The following CPA6 variants were observed in gnomAD, a reference collection of about 807,000 sequenced individuals.
CPA6 encodes the protein carboxypeptidase B.
Under a neutral mutation model 63.3 loss-of-function variants are expected in CPA6, and 58 were observed. That is an observed-to-expected ratio of 0.92 (90% CI 0.74 to 1.14). The LOEUF (loss-of-function observed/expected upper bound fraction) is 1.14. CPA6 is among the 50% of genes most tolerant of loss of function. CPA6 has a pLI of 0.00. For synonymous variants in CPA6, 185 were observed against 179.0 expected (o/e 1.03, Z -0.27); for missense variants, 565 against 526.6 (o/e 1.07, Z -0.71).
In CPA6 at chr8:67,658,033, G is replaced by A. The variant is rs147905327; in HGVS notation, c.117-33782C>T. 3.8e-3 allele frequency among the ~76,000 whole-genome samples: 583 copies of A among 152,218 alleles called. 4 individuals carry two copies. The highest frequency in any genetic ancestry group is 0.012 in the African/African-American group (506 of 41,528). ...ATGCTGGTTTTTCAGCCACACTGGCGTCCTTTTCGTTTCCTTGGAGTGGTG... is the reference window on the plus strand; with the variant it reads ...ATGCTGGTTTTTCAGCCACACTGGCATCCTTTTCGTTTCCTTGGAGTGGTG... On this transcript the variant is annotated intron_variant, in intron 1 of 10. Coordinates refer to ENST00000297770, the MANE Select transcript of CPA6 (RefSeq NM_020361.5).
chr8:67,624,758 C>T (rs1039363540), intron 1 of CPA6, among the ~76,000 whole-genome samples: 8 of 152,168 alleles, frequency 5.3e-5, no homozygotes, highest in African/African-American at 1.9e-4. Context: ...TCTCATTTCT[C>T]TGGTACAGAG....
intron 1 of CPA6, among the ~76,000 whole-genome samples, chr8:67,630,110 A>AAATAATAATAATAATAATAATAAT (rs61666997): frequency 1.5e-4 from 22 of 144,876 alleles, no homozygotes; most frequent in East Asian, 1.4e-3. Flanking sequence ...GTCTCAATTA[A>AAATAATAATAATAATAATAATAAT]AATAATAATA....
chr8:67,609,244 A>C (rs1372493397), intron 2 of CPA6, among the ~76,000 whole-genome samples: 1 of 152,186 alleles, frequency 6.6e-6, no homozygotes, highest in African/African-American at 2.4e-5. Flanking sequence ...CAACACCCTC[A>C]AATAACTACT....
At chr8:67,610,034 C>T (rs1814763059) in intron 2 of CPA6, among the ~76,000 whole-genome samples, 1 of 150,734 alleles carries the variant, frequency 6.6e-6, no homozygotes, top group Non-Finnish European at 1.5e-5. Context: ...CAAAACAAAA[C>T]AAAACAAAAC....
At chr8:67,481,221 A>G (rs1385515483) in intron 8 of CPA6, among the ~76,000 whole-genome samples, 1 of 152,250 alleles carries the variant, frequency 6.6e-6, no homozygotes, top group African/African-American at 2.4e-5. Context: ...TCCAATTTGG[A>G]AAATCAGTGC....
intron 6 of CPA6, among the ~76,000 whole-genome samples, chr8:67,498,948 C>T (rs754463251): frequency 5.9e-5 from 9 of 152,082 alleles, no homozygotes; most frequent in South Asian, 4.1e-4. Context: ...AGACTAAAAC[C>T]CATAAGTTTT....
chr8:67,505,776 A>G (rs1811914425), intron 6 of CPA6, among the ~76,000 whole-genome samples: 1 of 152,204 alleles, frequency 6.6e-6, no homozygotes, highest in Non-Finnish European at 1.5e-5. Context: ...CATTCTTGAC[A>G]TTTGTGAGCT....
chr8:67,617,003 G>A (rs1048910655), intron 2 of CPA6, among the ~76,000 whole-genome samples: 3 of 152,090 alleles, frequency 2.0e-5, no homozygotes, highest in Non-Finnish European at 2.9e-5. Context: ...TACTACATCC[G>A]GCAAGAGCAA....
intron 8 of CPA6, among the ~76,000 whole-genome samples, chr8:67,474,309 C>G (rs1050430980): frequency 3.3e-5 from 5 of 152,134 alleles, no homozygotes; most frequent in Non-Finnish European, 7.3e-5. Context: ...GCCACCTCCA[C>G]CTCCCGGATT....
At chr8:67,555,659 G>A (rs73692156) in intron 2 of CPA6, among the ~76,000 whole-genome samples, 9,425 of 152,190 alleles carry the variant, frequency 0.062, 515 homozygotes, top group African/African-American at 0.14. Context: ...AGAAGTATGG[G>A]CAGCCTGGGC....
chr8:67,673,379 TA>T (rs1742381024), intron 1 of CPA6, among the ~76,000 whole-genome samples: 2 of 131,870 alleles, frequency 1.5e-5, no homozygotes, highest in African/African-American at 7.0e-5. Flanking sequence ...TTATTATTAT[TA>T]TTTATTTATT....
intron 1 of CPA6, among the ~76,000 whole-genome samples, chr8:67,738,325 C>T (rs1197561949): frequency 6.6e-6 from 1 of 152,160 alleles, no homozygotes; most frequent in Non-Finnish European, 1.5e-5. Flanking sequence ...AGTGACTTTT[C>T]TTTCCACTTT....
At chr8:67,732,460 G>A (rs973264919) in intron 1 of CPA6, 5 of 151,984 alleles carry the variant, frequency 3.3e-5, no homozygotes, top group South Asian at 2.1e-4. Context: ...CATGCGAAAC[G>A]CTATTTGGGG....
intron 2 of CPA6, among the ~76,000 whole-genome samples, chr8:67,623,903 C>A (rs7841796): frequency 0.31 from 47,309 of 151,800 alleles, 8,243 homozygotes; most frequent in African/African-American, 0.48. Context: ...ACTAAGAGGC[C>A]GGAGAATTGC....
intron 1 of CPA6, among the ~76,000 whole-genome samples, chr8:67,695,535 T>A (rs1816898003): frequency 6.6e-6 from 1 of 152,244 alleles, no homozygotes. Context: ...ACTTACAGAA[T>A]GCTTTATCCA....
chr8:67,539,859 C>T (rs762501602), intron 2 of CPA6, among the ~76,000 whole-genome samples: 1 of 152,080 alleles, frequency 6.6e-6, no homozygotes, highest in African/African-American at 2.4e-5. Flanking sequence ...AGGTCATTTA[C>T]GTTCTTCTCT....
At chr8:67,668,722 T>A (rs1466410666) in intron 1 of CPA6, among the ~76,000 whole-genome samples, 1 of 152,230 alleles carries the variant, frequency 6.6e-6, no homozygotes, top group Non-Finnish European at 1.5e-5. Context: ...AAATGCCTTC[T>A]GGGCCCCCAG....
chr8:67,531,617 C>T (rs912525656), intron 2 of CPA6, among the ~76,000 whole-genome samples: 1 of 151,986 alleles, frequency 6.6e-6, no homozygotes, highest in African/African-American at 2.4e-5. Flanking sequence ...ACTCAATTTA[C>T]CAGGAAGATG....
chr8:67,686,228 A>C (rs1816706344), intron 1 of CPA6, among the ~76,000 whole-genome samples: 1 of 152,106 alleles, frequency 6.6e-6, no homozygotes, highest in South Asian at 2.1e-4. Context: ...CCCCCTCCTA[A>C]TTGCTGACCT....
Sources: gnomAD v4.1 joint callset for allele counts (sites outside exome capture counted in the v4.1 genomes callset) on GRCh38, gnomAD v4.1.1 for gene constraint, MANE v1.5 for transcripts, NCBI Gene and HGNC (gene_info 2026-07-23, HGNC 2026-07-21) for gene names.